Variants in SCN2A observed in about 807,000 individuals in gnomAD.
SCN2A encodes the protein sodium voltage-gated channel alpha subunit 2.
In SCN2A, 20 loss-of-function variants were observed where a neutral mutation model predicts 188.7. That is an observed-to-expected ratio of 0.11 (90% CI 0.07 to 0.15). The LOEUF is 0.15. Among genes scored for constraint, SCN2A ranks in the 10% least tolerant of loss-of-function variants. The probability of loss-of-function intolerance (pLI) is 1.00; values close to 1 mark genes in which losing one functional copy is unlikely to be tolerated. For missense variants in SCN2A, 1,278 were observed against 2,445.0 expected, an observed-to-expected ratio of 0.52 and a Z score of 10.07; for synonymous variants, 804 against 833.1, an observed-to-expected ratio of 0.97 and a Z score of 0.60.
intron 3 of SCN2A, among the ~76,000 whole-genome samples, chr2:165,303,400 G>C (rs374741041): frequency 1.3e-5 from 2 of 149,546 alleles, no homozygotes; most frequent in Non-Finnish European, 3.0e-5. Context: ...CTCAGCCTCC[G>C]GAGTAGCTGG....
At chr2:165,384,454 G>A (rs930363940) in intron 25 of SCN2A, among the ~76,000 whole-genome samples, 1 of 152,042 alleles carries the variant, frequency 6.6e-6, no homozygotes, top group Non-Finnish European at 1.5e-5. Flanking sequence ...ACAGAGACTC[G>A]AGACTGGAGT....
Position 165,260,018 on chromosome 2 carries a change from G to T in SCN2A, c.-52+20378G>T, listed in dbSNP as rs1694507862. Among the ~76,000 whole-genome samples, 2 of 140,564 alleles carry T rather than the reference G, an allele frequency of 1.4e-5. 1 individual carries two copies. The highest frequency in any genetic ancestry group is 5.4e-5 in the African/African-American group (2 of 37,258). The allele number at this position is 140,564 out of a possible 152,430, so 92.2% of individuals were successfully genotyped here. On this transcript the variant is annotated intron_variant, in intron 1 of 26. Transcript: ENST00000375437. ...CAGTGGCATGATTTCGGCTCAGCTC[G>T]CTGCAGGCTCCATCTTCTGGGTTCC...
At chr2:165,336,229 T>C (rs1698984375) in intron 14 of SCN2A, among the ~76,000 whole-genome samples, 1 of 151,932 alleles carries the variant, frequency 6.6e-6, no homozygotes, top group Non-Finnish European at 1.5e-5. Flanking sequence ...CCACATGACC[T>C]GGCAGTTTTA....
At chr2:165,249,154 T>A (rs1693985271) in intron 1 of SCN2A, among the ~76,000 whole-genome samples, 1 of 152,132 alleles carries the variant, frequency 6.6e-6, no homozygotes, top group South Asian at 2.1e-4. Context: ...AGGAACTTGG[T>A]CATCATATCT....
chr2:165,310,919 A>C (rs1055710239), intron 7 of SCN2A, among the ~76,000 whole-genome samples: 1 of 152,098 alleles, frequency 6.6e-6, no homozygotes, highest in Non-Finnish European at 1.5e-5. Context: ...CAGTAGTTTG[A>C]ACTATTCAGT....
At chr2:165,341,127 T>C (rs1397801930) in intron 14 of SCN2A, among the ~76,000 whole-genome samples, 1 of 152,182 alleles carries the variant, frequency 6.6e-6, no homozygotes, top group Non-Finnish European at 1.5e-5. Context: ...GGAGTCTTGC[T>C]CTTTCGCCCA....
rs80133823 is a variant in SCN2A at position 165,365,343 on chromosome 2, A to C, written c.3520+80A>C. 5.1e-4 allele frequency: 766 copies of C among 1,508,652 alleles called. 3 individuals carry two copies. In the African/African-American group the frequency reaches 9.5e-3, roughly 19 times the overall value. The allele number at this position is 1,508,652 out of a possible 1,614,324, so 93.5% of individuals were successfully genotyped here. On this transcript the variant is annotated intron_variant, in intron 18 of 26. Coordinates refer to ENST00000375437, the MANE Select transcript of SCN2A (RefSeq NM_001040142.2). ...TTCCTATTTATTTAAATGTCTGTTT[A>C]TTTGTCTACCATCTATTATCTATCT...
Position 165,295,786 on chromosome 2 carries a change from A to G in SCN2A, c.-38A>G. The stretch of plus-strand genomic sequence containing the variant: ...CTGTTTCTGTAGCACTTTCTTATGC[A>G]AGGAGCTAAACAGTGATTAAAGGAG... On this transcript the variant is annotated 5_prime_UTR_variant, in exon 2 of 27. Coordinates refer to ENST00000375437, the MANE Select transcript of SCN2A (RefSeq NM_001040142.2). 4 of 1,613,732 alleles carry G rather than the reference A, an allele frequency of 2.5e-6. No homozygotes were observed. The highest frequency in any genetic ancestry group is 3.4e-6 in the Non-Finnish European group (4 of 1,179,948).
chr2:165,371,887 G>A (rs989888746), intron 20 of SCN2A: 1 of 152,148 alleles, frequency 6.6e-6, no homozygotes, highest in African/African-American at 2.4e-5. Flanking sequence ...GGAGATTGCT[G>A]CAATGTCCCA....
Position 165,241,642 on chromosome 2 carries a change from G to A in SCN2A, c.-52+2002G>A, listed in dbSNP as rs542050181. ...TAATTAGTCAAGGAGTTTACCTCAGGGAGGTTAACATGCAAATATACATGT... is the reference window on the plus strand; with the variant it reads ...TAATTAGTCAAGGAGTTTACCTCAGAGAGGTTAACATGCAAATATACATGT... On this transcript the variant is annotated intron_variant, in intron 1 of 26. Coordinates refer to ENST00000375437, the MANE Select transcript of SCN2A (RefSeq NM_001040142.2). 5.9e-5 allele frequency among the ~76,000 whole-genome samples: 9 copies of A among 152,270 alleles called. No individual in the cohort carries two copies. In the East Asian group the frequency reaches 7.7e-4, roughly 13 times the overall value.
intron 11 of SCN2A, among the ~76,000 whole-genome samples, chr2:165,317,737 G>A (rs1013567048): frequency 6.6e-6 from 1 of 152,088 alleles, no homozygotes; most frequent in Non-Finnish European, 1.5e-5. Flanking sequence ...AGCTAGTTGG[G>A]TATTATAAGC....
chr2:165,257,786 C>G (rs535988306), intron 1 of SCN2A, among the ~76,000 whole-genome samples: 2 of 152,164 alleles, frequency 1.3e-5, no homozygotes, highest in African/African-American at 4.8e-5. Context: ...GATCCACCCC[C>G]CTCGGCCTTC....
At chr2:165,327,320 A>G (rs1009652260) in intron 13 of SCN2A, 6 of 297,432 alleles carry the variant, frequency 2.0e-5, no homozygotes, top group Non-Finnish European at 3.9e-5. Flanking sequence ...AGCCATTTGG[A>G]TTATATTAAC....
At chr2:165,300,026 A>AT (rs951038584) in intron 3 of SCN2A, among the ~76,000 whole-genome samples, 50 of 152,124 alleles carry the variant, frequency 3.3e-4, no homozygotes, top group Non-Finnish European at 5.6e-4. Flanking sequence ...TGCTTGTGAT[A>AT]TTTTTACCAG....
intron 1 of SCN2A, among the ~76,000 whole-genome samples, chr2:165,294,718 C>T (rs1696408647): frequency 6.6e-6 from 1 of 152,048 alleles, no homozygotes; most frequent in Admixed American, 6.5e-5. Flanking sequence ...CATAGAAACT[C>T]CTGCCACTGG....
chr2:165,291,474 C>CTTT (rs577265466), intron 1 of SCN2A, among the ~76,000 whole-genome samples: 1 of 37,726 alleles, frequency 2.7e-5, no homozygotes. Context: ...TTCTTTCTTT[C>CTTT]TTTCTTTCTT....
intron 17 of SCN2A, 48 bp from the exon 18 acceptor site, chr2:165,365,095 G>T (rs751771011): frequency 9.8e-6 from 15 of 1,534,734 alleles, no homozygotes; most frequent in African/African-American, 1.4e-5. Context: ...TTTATATTTA[G>T]ATTAAAGAAA....
chr2:165,260,315 T>C (rs750370398), intron 1 of SCN2A, among the ~76,000 whole-genome samples: 1 of 152,184 alleles, frequency 6.6e-6, no homozygotes, highest in Non-Finnish European at 1.5e-5. Flanking sequence ...ATGAAAACGT[T>C]AATCTCCTTG....
rs1558887808 is a variant in SCN2A at position 165,389,976 on chromosome 2, G to T, written c.*152G>T. 1.5e-6 allele frequency: 2 copies of T among 1,311,138 alleles called. No homozygotes were observed. The highest frequency in any genetic ancestry group is 1.0e-6 in the Non-Finnish European group (1 of 982,326). The allele number at this position is 1,311,138 out of a possible 1,614,324, so 81.2% of individuals were successfully genotyped here. On this transcript the variant is annotated 3_prime_UTR_variant, in exon 27 of 27. Coordinates refer to ENST00000375437, the MANE Select transcript of SCN2A (RefSeq NM_001040142.2). The surrounding 1 kb of genome is among the most constrained non-coding windows in gnomAD (Gnocchi z 4.2). The stretch of plus-strand genomic sequence containing the variant: ...AGGTCAGTGCCTATAACAAGACAGA[G>T]ACCTCTGGTCAGCAAACTGGAACTC...
Sources: allele counts gnomAD v4.1 joint callset (sites outside exome capture counted in the v4.1 genomes callset), GRCh38; gene constraint gnomAD v4.1.1; non-coding constraint Gnocchi (gnomAD v3.1); transcripts MANE v1.5; gene names NCBI Gene and HGNC (gene_info 2026-07-23, HGNC 2026-07-21).